The following RBMS1 variants were observed in gnomAD, a reference collection of about 807,000 sequenced individuals.
RBMS1 encodes RNA-binding motif, single-stranded-interacting protein 1.
RBMS1 carries 17 observed loss-of-function variants against 62.3 expected under a neutral mutation model. The ratio of observed to expected loss-of-function variants is 0.27; its 90% CI spans 0.19 to 0.41. The LOEUF is 0.41. RBMS1 is among the 10% of genes least tolerant of loss of function. RBMS1 has a pLI of 1.00. For synonymous variants in RBMS1, 172 were observed against 170.0 expected, an observed-to-expected ratio of 1.01 and a Z score of -0.09; for missense variants, 334 against 504.5, an observed-to-expected ratio of 0.66 and a Z score of 3.24.
intron 1 of RBMS1, 45 bp from the exon 2 acceptor site, chr2:160,367,436 G>A: frequency 1.3e-6 from 2 of 1,596,230 alleles, no homozygotes; most frequent in Non-Finnish European, 1.7e-6. Context: ...GCATTAGGAG[G>A]CTGACACCAA....
intron 1 of RBMS1, among the ~76,000 whole-genome samples, chr2:160,404,393 C>T (rs1296639205): frequency 6.6e-6 from 1 of 152,082 alleles, no homozygotes; most frequent in African/African-American, 2.4e-5. Flanking sequence ...CCTACACAGT[C>T]GACCCTCCGT....
chr2:160,290,759 G>T (rs1295542343), intron 6 of RBMS1, among the ~76,000 whole-genome samples: 1 of 152,184 alleles, frequency 6.6e-6, no homozygotes, highest in Non-Finnish European at 1.5e-5. Flanking sequence ...TGCAAACACT[G>T]ATCTAATATT....
intron 1 of RBMS1, among the ~76,000 whole-genome samples, chr2:160,435,479 G>C (rs1683072077): frequency 6.6e-6 from 1 of 152,182 alleles, no homozygotes; most frequent in South Asian, 2.1e-4. Flanking sequence ...TCTTTCTTCA[G>C]AGTATTTAAT....
intron 1 of RBMS1, among the ~76,000 whole-genome samples, chr2:160,477,159 C>T (rs372476010): frequency 6.6e-6 from 1 of 152,182 alleles, no homozygotes; most frequent in East Asian, 1.9e-4. Flanking sequence ...TTACAGGCGG[C>T]CTAAGAGTGA....
intron 1 of RBMS1, among the ~76,000 whole-genome samples, chr2:160,413,715 A>C (rs1226644565): frequency 6.6e-6 from 1 of 152,258 alleles, no homozygotes; most frequent in East Asian, 1.9e-4. Flanking sequence ...CTCTGCATGT[A>C]GTATTAAATA....
chr2:160,299,887 T>C (rs570451417), intron 6 of RBMS1, among the ~76,000 whole-genome samples: 1 of 152,320 alleles, frequency 6.6e-6, no homozygotes, highest in East Asian at 1.9e-4. Flanking sequence ...TTGATTAAGC[T>C]GAAGACATTT....
At chr2:160,276,215 A>G (rs1467683677) in intron 12 of RBMS1, among the ~76,000 whole-genome samples, 1 of 152,230 alleles carries the variant, frequency 6.6e-6, no homozygotes, top group Non-Finnish European at 1.5e-5. Flanking sequence ...GTTTTATGCT[A>G]AAGTAGTTAC....
At chr2:160,444,875 AG>A (rs1420249567) in intron 1 of RBMS1, among the ~76,000 whole-genome samples, 1 of 152,208 alleles carries the variant, frequency 6.6e-6, no homozygotes, top group East Asian at 1.9e-4. Flanking sequence ...TTGGCAAGCC[AG>A]GAAGAGCCCT....
At chr2:160,391,839 G>A (rs944007911) in intron 1 of RBMS1, among the ~76,000 whole-genome samples, 1 of 152,022 alleles carries the variant, frequency 6.6e-6, no homozygotes, top group Non-Finnish European at 1.5e-5. Context: ...TTAGCCGGGC[G>A]TGGTGGCACA....
At chr2:160,438,230 C>T (rs1056949877) in intron 1 of RBMS1, among the ~76,000 whole-genome samples, 4 of 150,124 alleles carry the variant, frequency 2.7e-5, no homozygotes, top group Admixed American at 1.3e-4. Flanking sequence ...TTTATGCAGA[C>T]GAAAGGCAAT....
intron 2 of RBMS1, among the ~76,000 whole-genome samples, chr2:160,339,380 T>C (rs1428629605): frequency 6.6e-6 from 1 of 152,184 alleles, no homozygotes; most frequent in Non-Finnish European, 1.5e-5. Flanking sequence ...TGAGCTCTTA[T>C]TCCTTTGAAG....
At chr2:160,379,470 G>C (rs13397529) in intron 1 of RBMS1, among the ~76,000 whole-genome samples, 31,539 of 152,076 alleles carry the variant, frequency 0.21, 3,909 homozygotes, top group Admixed American at 0.37. Context: ...TAGTGGTGAT[G>C]GTATCAACCT....
chr2:160,426,272 A>AGAAAG (rs1553522562), intron 1 of RBMS1, among the ~76,000 whole-genome samples: 3 of 127,328 alleles, frequency 2.4e-5, no homozygotes, highest in Non-Finnish European at 3.3e-5. Context: ...AAAGAAAGAA[A>AGAAAG]GAAAGAAAGA....
At position 160,284,887 on chromosome 2, in the gene RBMS1, C is replaced by G. The variant is rs1688287905; in HGVS notation, c.807-19G>C. 3 of 1,578,524 alleles carry G rather than the reference C, an allele frequency of 1.9e-6. No homozygotes were observed. In the Admixed American group the frequency reaches 5.1e-5, roughly 27 times the overall value. ...ATAAAATCTAGAACAAACACAAAAG[C>G]CTTTATTAAGTAATCCTTTAAATAG... is the stretch of plus-strand genomic sequence containing the variant. On this transcript the variant is annotated intron_variant, in intron 8 of 13. Coordinates refer to ENST00000348849, the MANE Select transcript of RBMS1 (RefSeq NM_016836.4).
At chr2:160,419,113 T>A (rs1403194458) in intron 1 of RBMS1, among the ~76,000 whole-genome samples, 1 of 152,192 alleles carries the variant, frequency 6.6e-6, no homozygotes, top group Non-Finnish European at 1.5e-5. Context: ...TGATAAATTT[T>A]ACATTCTAAT....
chr2:160,458,687 C>T (rs1684343178), intron 1 of RBMS1, among the ~76,000 whole-genome samples: 1 of 152,010 alleles, frequency 6.6e-6, no homozygotes. Context: ...ATCGCAGTTA[C>T]TCCAGAGGCT....
intron 12 of RBMS1, 38 bp downstream of exon 12, chr2:160,277,265 C>G (rs376885540): frequency 1.1e-5 from 17 of 1,511,908 alleles, no homozygotes; most frequent in Non-Finnish European, 1.6e-5. Flanking sequence ...TCTGAAACTA[C>G]TTATAGCCAG....
intron 1 of RBMS1, among the ~76,000 whole-genome samples, chr2:160,441,154 A>T (rs555140908): frequency 3.5e-4 from 53 of 152,260 alleles, no homozygotes; most frequent in Middle Eastern, 3.4e-3. Context: ...GGCTTCTTTC[A>T]CTTGGAGTGT....
intron 2 of RBMS1, among the ~76,000 whole-genome samples, chr2:160,361,208 C>T (rs551762141): frequency 6.6e-6 from 1 of 152,310 alleles, no homozygotes; most frequent in South Asian, 2.1e-4. Context: ...TAAGTTACTG[C>T]TACACTGAGT....
Sources: gnomAD v4.1 joint callset for allele counts (sites outside exome capture counted in the v4.1 genomes callset) on GRCh38, gnomAD v4.1.1 for gene constraint, MANE v1.5 for transcripts, NCBI Gene and HGNC (gene_info 2026-07-23, HGNC 2026-07-21) for gene names.